The following PDE11A variants were observed in gnomAD, a reference collection of about 807,000 sequenced individuals.
PDE11A encodes the protein phosphodiesterase 11A.
A neutral mutation model predicts 100.5 loss-of-function variants in PDE11A; 100 were observed. The observed-to-expected ratio is 1.00, with a 90% confidence interval of 0.85 to 1.18. PDE11A has a LOEUF of 1.18. Ranked by LOEUF, PDE11A falls within the 50% of genes most tolerant of loss-of-function variation. PDE11A has a pLI of 0.00. For synonymous variants in PDE11A, 381 were observed against 420.8 expected, an observed-to-expected ratio of 0.91 and a Z score of 1.16; for missense variants, 1,141 against 1,152.6, an observed-to-expected ratio of 0.99 and a Z score of 0.15.
intron 3 of PDE11A, among the ~76,000 whole-genome samples, chr2:177,898,716 C>T (rs939234212): frequency 6.6e-6 from 1 of 152,092 alleles, no homozygotes; most frequent in African/African-American, 2.4e-5. Flanking sequence ...ATAACATTGC[C>T]TTAAGATGGA....
intron 13 of PDE11A, among the ~76,000 whole-genome samples, chr2:177,710,108 G>A (rs145049990): frequency 2.1e-3 from 325 of 152,152 alleles, no homozygotes; most frequent in East Asian, 5.8e-3. Flanking sequence ...AGGGACAGCA[G>A]ATACAGGAGG....
chr2:177,702,732 C>G (rs2081219253), intron 13 of PDE11A: 1 of 152,040 alleles, frequency 6.6e-6, no homozygotes, highest in African/African-American at 2.4e-5. Flanking sequence ...ATGTGGTCAG[C>G]TTTTCCAGCA....
Position 177,635,432 on chromosome 2 carries a change from C to T in PDE11A, c.2647-5870G>A, listed in dbSNP as rs1302863107. Among the ~76,000 whole-genome samples, 4 of 152,130 alleles carry T rather than the reference C, an allele frequency of 2.6e-5. 1 individual carries two copies. The highest frequency in any genetic ancestry group is 5.9e-5 in the Non-Finnish European group (4 of 68,022). Reference sequence around the variant, plus strand: ...CGCAGACAGGACCTCGGATACTTGCCCCACTATGGGACACAGCCTGGGCAT... The same window carrying T: ...CGCAGACAGGACCTCGGATACTTGCTCCACTATGGGACACAGCCTGGGCAT... On this transcript the variant is annotated intron_variant, in intron 19 of 19. Coordinates refer to ENST00000286063, the MANE Select transcript of PDE11A (RefSeq NM_016953.4).
chr2:177,819,890 C>CTCTCTCTCTCTCTCTCTCTCTG lies in PDE11A; in HGVS notation c.1576+329_1576+330insCAGAGAGAGAGAGAGAGAGAGA, dbSNP rs1558954590. Reference sequence around the variant, plus strand: ...TCTTTCTCTCTCTCTCTCTCTCTCTCTCTCTGTCTCTGTCTCTCTCTGGCT... The same window carrying CTCTCTCTCTCTCTCTCTCTCTG: ...TCTTTCTCTCTCTCTCTCTCTCTCTCTCTCTCTCTCTCTCTCTCTCTGTCTCTGTCTCTGTCTCTCTCTGGCT... On this transcript the variant is annotated intron_variant, in intron 7 of 19. Transcript: ENST00000286063. Among the ~76,000 whole-genome samples, 129 of 138,714 alleles carry CTCTCTCTCTCTCTCTCTCTCTG rather than the reference C, an allele frequency of 9.3e-4. 1 individual carries two copies. Among genetic ancestry groups the CTCTCTCTCTCTCTCTCTCTCTG allele is most frequent in the African/African-American group, 3.3e-3 (111 of 33,400 alleles). The allele number at this position is 138,714 out of a possible 152,430, so 91.0% of individuals were successfully genotyped here. A position where few individuals can be genotyped will look rare whatever the true frequency, so the allele number is the denominator to read the frequency against.
chr2:177,853,633 T>TGC (rs1374184250), intron 5 of PDE11A, among the ~76,000 whole-genome samples: 2 of 73,552 alleles, frequency 2.7e-5, no homozygotes, highest in East Asian at 8.1e-4. Context: ...CAACAAGTCC[T>TGC]GCATATATAT....
chr2:177,954,319 A>G (rs1187569898), intron 2 of PDE11A, among the ~76,000 whole-genome samples: 2 of 152,104 alleles, frequency 1.3e-5, no homozygotes, highest in African/African-American at 2.4e-5. Flanking sequence ...ACTCATTTCC[A>G]TCATTCTTAC....
intron 10 of PDE11A, among the ~76,000 whole-genome samples, chr2:177,742,890 G>C (rs1172370101): frequency 6.6e-6 from 1 of 152,182 alleles, no homozygotes; most frequent in Non-Finnish European, 1.5e-5. Context: ...TGAAAAGGGA[G>C]GCCCCAGCTA....
intron 1 of PDE11A, among the ~76,000 whole-genome samples, chr2:178,070,542 T>G (rs2087112490): frequency 6.6e-6 from 1 of 152,246 alleles, no homozygotes; most frequent in Non-Finnish European, 1.5e-5. Flanking sequence ...TTTTTAATTC[T>G]TATGAACCCT....
intron 4 of PDE11A, among the ~76,000 whole-genome samples, chr2:177,895,319 G>T (rs145960085): frequency 9.9e-5 from 15 of 152,066 alleles, no homozygotes; most frequent in Non-Finnish European, 1.3e-4. Context: ...TTGGGAGGCC[G>T]AGGTGGGTGG....
chr2:177,898,301 T>C, intron 3 of PDE11A, 103 bp from the exon 4 acceptor site: 1 of 761,136 alleles, frequency 1.3e-6, no homozygotes. Context: ...ATAGTAAATC[T>C]TTTTGTGTAG....
intron 6 of PDE11A, 139 bp downstream of exon 6, chr2:177,840,112 A>G: frequency 1.2e-6 from 1 of 843,872 alleles, no homozygotes; most frequent in Non-Finnish European, 1.9e-6. Context: ...CTTAGAGTCA[A>G]CAGTAGGCAA....
At chr2:177,646,491 C>T (rs542578471) in intron 19 of PDE11A, among the ~76,000 whole-genome samples, 5 of 152,180 alleles carry the variant, frequency 3.3e-5, no homozygotes, top group South Asian at 2.1e-4. Context: ...AGATATGGAA[C>T]CTGGAATTGG....
At chr2:177,653,622 A>G (rs939250779) in intron 19 of PDE11A, among the ~76,000 whole-genome samples, 3 of 152,184 alleles carry the variant, frequency 2.0e-5, no homozygotes, top group African/African-American at 7.2e-5. Flanking sequence ...AGGTCATGTG[A>G]AAACACAGAC....
chr2:177,842,626 G>T (rs1411987559), intron 5 of PDE11A, among the ~76,000 whole-genome samples: 1 of 152,204 alleles, frequency 6.6e-6, no homozygotes, highest in Non-Finnish European at 1.5e-5. Context: ...TGAGCAAGAA[G>T]AACTGGGTAA....
chr2:178,031,938 A>G (rs1205367472), intron 1 of PDE11A, among the ~76,000 whole-genome samples: 1 of 152,178 alleles, frequency 6.6e-6, no homozygotes, highest in Admixed American at 6.5e-5. Context: ...ACTTTCTATA[A>G]GCTACAGAAA....
intron 6 of PDE11A, among the ~76,000 whole-genome samples, chr2:177,835,141 G>A (rs1251597882): frequency 6.6e-6 from 1 of 152,196 alleles, no homozygotes; most frequent in Non-Finnish European, 1.5e-5. Context: ...ATAGCACCCT[G>A]TCAAGGTTGC....
At position 178,014,351 on chromosome 2, in the gene PDE11A, G is replaced by A; in HGVS notation, c.1022C>T (p.Ala341Val). Residue 341 changes from alanine to valine, a missense_variant, in exon 2 of 20, where the codon GCG becomes GTG. By Grantham distance (64) the Ala-to-Val change is moderately conservative (BLOSUM62 0). Transcript: ENST00000286063. ...AGCTCCTTCAGGAATCTTATTTATC[G>A]CTTGGGCCACACCAATAATCTCACC... ...SDGEIIGVAQAINKIPEGAPF... is the reference protein window; with the variant it reads ...SDGEIIGVAQVINKIPEGAPF... 11 of 1,612,560 alleles carry A rather than the reference G, an allele frequency of 6.8e-6. No individual in the cohort carries two copies. Among genetic ancestry groups the A allele is most frequent in the Non-Finnish European group, 9.3e-6 (11 of 1,178,746 alleles).
At chr2:177,718,996 C>T (rs1042216797) in intron 12 of PDE11A, among the ~76,000 whole-genome samples, 15 of 152,164 alleles carry the variant, frequency 9.9e-5, no homozygotes, top group African/African-American at 3.6e-4. Flanking sequence ...GGTTACCCTT[C>T]GAGCCAGCAG....
At chr2:178,027,939 C>T (rs926099497) in intron 1 of PDE11A, among the ~76,000 whole-genome samples, 11 of 152,188 alleles carry the variant, frequency 7.2e-5, no homozygotes, top group Admixed American at 7.2e-4. Context: ...AAAAAACAAA[C>T]TATTAAACCA....
Sources: allele counts gnomAD v4.1 joint callset (sites outside exome capture counted in the v4.1 genomes callset), GRCh38; gene constraint gnomAD v4.1.1; transcripts MANE v1.5; gene names NCBI Gene and HGNC (gene_info 2026-07-23, HGNC 2026-07-21).